SOX5: variants seen among roughly 807,000 people sequenced by gnomAD.
SOX5 encodes transcription factor SOX-5.
In SOX5, 9 loss-of-function variants were observed where a neutral mutation model predicts 92.0. The observed-to-expected ratio is 0.10, with a 90% CI of 0.06 to 0.17. The LOEUF (loss-of-function observed/expected upper bound fraction) is 0.17. Ranked by LOEUF, SOX5 falls within the 10% of genes least tolerant of loss-of-function variation. SOX5 has a pLI of 1.00. For missense variants in SOX5, 642 were observed against 944.5 expected (o/e 0.68, Z 4.20); for synonymous variants, 344 against 336.3 (o/e 1.02, Z -0.25).
chr12:23,575,642 C>A lies in SOX5; in HGVS notation c.1342+19G>T. The A allele has an allele frequency of 6.2e-7, 1 of 1,612,746 alleles. No homozygotes were observed. Among genetic ancestry groups the A allele is most frequent in the Non-Finnish European group, 8.5e-7 (1 of 1,178,998 alleles). Reference sequence around the variant, plus strand: ...GCCATAAACAGAAAATCAGCAAGAACAAAAGAAACAGAACTTACCTATTGT... The same window carrying A: ...GCCATAAACAGAAAATCAGCAAGAAAAAAAGAAACAGAACTTACCTATTGT... On this transcript the variant is annotated intron_variant, in intron 10 of 14. Coordinates refer to ENST00000451604, the MANE Select transcript of SOX5 (RefSeq NM_006940.6).
At chr12:24,092,539 C>A (rs931526172) in intron 4 of SOX5, among the ~76,000 whole-genome samples, 2 of 152,150 alleles carry the variant, frequency 1.3e-5, no homozygotes, top group Admixed American at 6.6e-5. Flanking sequence ...AAGAAGCCTG[C>A]AGACTCTTTG....
intron 3 of SOX5, among the ~76,000 whole-genome samples, chr12:24,229,186 A>G (rs533003445): frequency 6.6e-6 from 1 of 152,336 alleles, no homozygotes; most frequent in South Asian, 2.1e-4. Flanking sequence ...GTTTGTGTGG[A>G]AGGGCAGCAA....
At chr12:24,335,612 C>T (rs1368373722) in intron 2 of SOX5, among the ~76,000 whole-genome samples, 2 of 151,996 alleles carry the variant, frequency 1.3e-5, no homozygotes, top group African/African-American at 4.8e-5. Context: ...CATGCTGTCC[C>T]GTTTAAAATG....
chr12:24,020,548 C>A (rs185793871), intron 4 of SOX5, among the ~76,000 whole-genome samples: 60 of 152,242 alleles, frequency 3.9e-4, no homozygotes, highest in Admixed American at 3.5e-3. Flanking sequence ...TGCTATCATT[C>A]GGCCTTAATT....
At chr12:24,009,299 G>A (rs1027351847) in intron 4 of SOX5, among the ~76,000 whole-genome samples, 89 of 152,302 alleles carry the variant, frequency 5.8e-4, no homozygotes, top group African/African-American at 2.0e-3. Context: ...GGTTTTTAAT[G>A]TAGCTATAGA....
intron 4 of SOX5, among the ~76,000 whole-genome samples, chr12:24,168,884 C>A (rs893276402): frequency 6.6e-6 from 1 of 151,962 alleles, no homozygotes; most frequent in Non-Finnish European, 1.5e-5. Context: ...GCAAATGTGT[C>A]CATATAGATT....
chr12:23,653,910 G>C (rs11835250), intron 7 of SOX5, among the ~76,000 whole-genome samples: 2 of 152,036 alleles, frequency 1.3e-5, no homozygotes, highest in African/African-American at 4.8e-5. Flanking sequence ...CTAGTCCCTA[G>C]CACAATGCCT....
intron 10 of SOX5, among the ~76,000 whole-genome samples, chr12:23,573,724 C>T (rs971518890): frequency 4.6e-5 from 7 of 152,156 alleles, no homozygotes; most frequent in Admixed American, 4.6e-4. Flanking sequence ...AGCAGAATTG[C>T]CTCTGGATGA....
At chr12:24,509,157 C>A (rs992183455) in intron 1 of SOX5, among the ~76,000 whole-genome samples, 2 of 152,170 alleles carry the variant, frequency 1.3e-5, no homozygotes, top group East Asian at 1.9e-4. Context: ...CCTTTCTATT[C>A]TTTCCTTATT....
intron 2 of SOX5, chr12:24,277,417 T>G (rs902002700): frequency 4.7e-5 from 7 of 148,636 alleles, no homozygotes; most frequent in Admixed American, 1.4e-4. Context: ...AAAAGAAATT[T>G]ATATTTATAT....
chr12:23,555,000 G>A (rs1944888755), intron 11 of SOX5, among the ~76,000 whole-genome samples: 1 of 151,998 alleles, frequency 6.6e-6, no homozygotes. Flanking sequence ...TGATAGGCTA[G>A]GCTTTTATAA....
At chr12:23,727,954 G>A (rs980751460) in intron 6 of SOX5, among the ~76,000 whole-genome samples, 2 of 152,086 alleles carry the variant, frequency 1.3e-5, no homozygotes, top group African/African-American at 4.8e-5. Flanking sequence ...ACAGAGACAG[G>A]TTTGCCTAGA....
At chr12:23,949,713 T>TG, upstream of SOX5, 13 of 1,271,930 alleles carry the variant, frequency 1.0e-5, no homozygotes, top group Non-Finnish European at 1.1e-5. Context: ...CTCTGTCTCT[T>TG]CCCCCCCTCC....
intron 3 of SOX5, among the ~76,000 whole-genome samples, chr12:24,229,182 G>A (rs1157256215): frequency 1.3e-5 from 2 of 152,220 alleles, no homozygotes; most frequent in Non-Finnish European, 2.9e-5. Context: ...CCGAGTTTGT[G>A]TGGAAGGGCA....
chr12:24,476,000 A>T (rs964022427), intron 1 of SOX5, among the ~76,000 whole-genome samples: 9 of 133,366 alleles, frequency 6.7e-5, no homozygotes, highest in African/African-American at 2.2e-4. Context: ...ATTTAAAAAA[A>T]AAAAAAAAAA....
At chr12:24,326,242 A>C (rs527832108) in intron 2 of SOX5, among the ~76,000 whole-genome samples, 1 of 152,282 alleles carries the variant, frequency 6.6e-6, no homozygotes, top group South Asian at 2.1e-4. Context: ...TTCCTTATAT[A>C]TCTAAAGCCA....
At position 24,111,156 on chromosome 12, in the gene SOX5, G is replaced by A. The variant is rs369589798; in HGVS notation, c.-2+102187C>T. Among the ~76,000 whole-genome samples the A allele has an allele frequency of 4.6e-5, 7 of 151,906 alleles. No homozygotes were observed. The East Asian group carries it at 9.7e-4, about 21-fold the overall frequency. On this transcript the variant is annotated intron_variant, in intron 4 of 4. Coordinates refer to the SOX5 transcript ENST00000446891. ...AAAATGTCTCCAGACATTGCCAAAT[G>A]TCCCACGGGAGGTAAAAATCACCCC... is the stretch of plus-strand genomic sequence containing the variant.
chr12:23,890,533 C>G (rs2097119732), intron 2 of SOX5, among the ~76,000 whole-genome samples: 1 of 151,962 alleles, frequency 6.6e-6, no homozygotes, highest in Non-Finnish European at 1.5e-5. Flanking sequence ...AGCATACAAC[C>G]AGACAGAAAA....
At chr12:23,774,619 A>G (rs1363966126) in intron 3 of SOX5, among the ~76,000 whole-genome samples, 2 of 152,194 alleles carry the variant, frequency 1.3e-5, no homozygotes, top group Non-Finnish European at 2.9e-5. Context: ...CACTATGCTT[A>G]TAATTATACT....
Sources: gnomAD v4.1 joint callset for allele counts (sites outside exome capture counted in the v4.1 genomes callset) on GRCh38, gnomAD v4.1.1 for gene constraint, MANE v1.5 for transcripts, NCBI Gene and HGNC (gene_info 2026-07-23, HGNC 2026-07-21) for gene names.